The following BMPR1A variants were observed in gnomAD, a reference collection of about 807,000 sequenced individuals.
BMPR1A encodes bone morphogenetic protein receptor type 1A.
BMPR1A carries 7 observed loss-of-function variants against 66.0 expected under a neutral mutation model. The observed-to-expected ratio is 0.11, with a 90% CI of 0.06 to 0.20. The LOEUF is 0.20. BMPR1A is among the 10% of genes least tolerant of loss of function. The pLI is 1.00. For missense variants in BMPR1A, 408 were observed against 669.1 expected (o/e 0.61, Z 4.31); for synonymous variants, 200 against 229.7 (o/e 0.87, Z 1.17).
At chr10:86,839,805 A>T (rs781055404) in intron 2 of BMPR1A, among the ~76,000 whole-genome samples, 2 of 151,830 alleles carry the variant, frequency 1.3e-5, no homozygotes, top group Non-Finnish European at 2.9e-5. Flanking sequence ...CTACAGGCAC[A>T]CATCACCATG....
chr10:86,768,787 G>A (rs1841205812), intron 1 of BMPR1A, among the ~76,000 whole-genome samples: 1 of 152,174 alleles, frequency 6.6e-6, no homozygotes, highest in African/African-American at 2.4e-5. Context: ...CTGCTTACTA[G>A]GTTTGTGACC....
intron 2 of BMPR1A, among the ~76,000 whole-genome samples, chr10:86,863,207 G>A (rs573252772): frequency 2.6e-5 from 4 of 152,100 alleles, no homozygotes; most frequent in African/African-American, 7.2e-5. Flanking sequence ...TGAACTCCCC[G>A]CCTCAAGTGA....
intron 1 of BMPR1A, among the ~76,000 whole-genome samples, chr10:86,778,262 A>G (rs1268149474): frequency 1.3e-5 from 2 of 151,420 alleles, no homozygotes; most frequent in East Asian, 1.9e-4. Context: ...ATCAGCTATC[A>G]TTAGTGGATT....
intron 2 of BMPR1A, among the ~76,000 whole-genome samples, chr10:86,872,226 C>T (rs1410295357): frequency 6.6e-6 from 1 of 152,198 alleles, no homozygotes; most frequent in Non-Finnish European, 1.5e-5. Flanking sequence ...TTAGTGACTT[C>T]CTTTGCCAGG....
chr10:86,883,542 TC>T (rs1166101035), intron 3 of BMPR1A, among the ~76,000 whole-genome samples: 1 of 94,602 alleles, frequency 1.1e-5, no homozygotes, highest in Non-Finnish European at 1.9e-5. Context: ...AGAGCGAGAC[TC>T]CGTCTCAAAA....
At chr10:86,893,441 T>G (rs1211565413) in intron 5 of BMPR1A, among the ~76,000 whole-genome samples, 4 of 152,210 alleles carry the variant, frequency 2.6e-5, no homozygotes, top group Non-Finnish European at 5.9e-5. Flanking sequence ...TAGAATTGTT[T>G]GTGCATAATT....
intron 2 of BMPR1A, among the ~76,000 whole-genome samples, chr10:86,840,474 C>G (rs553743918): frequency 6.6e-6 from 1 of 152,056 alleles, no homozygotes; most frequent in Non-Finnish European, 1.5e-5. Context: ...CCTTCCCCTC[C>G]TACTCTTAAA....
chr10:86,767,289 G>A (rs764511849), intron 1 of BMPR1A, among the ~76,000 whole-genome samples: 6 of 152,040 alleles, frequency 3.9e-5, no homozygotes, highest in Non-Finnish European at 5.9e-5. Context: ...AAAATATTTC[G>A]TATTGCTAAC....
chr10:86,870,081 A>G (rs985963081), intron 2 of BMPR1A, among the ~76,000 whole-genome samples: 1 of 152,156 alleles, frequency 6.6e-6, no homozygotes, highest in African/African-American at 2.4e-5. Flanking sequence ...TAACGCCTTT[A>G]TTAATGCAGT....
rs371493499 is a variant in BMPR1A at position 86,810,301 on chromosome 10, G to A, written c.-267-28564G>A. Among the ~76,000 whole-genome samples, 6 of 152,222 alleles carry A rather than the reference G, an allele frequency of 3.9e-5. No homozygotes were observed. The East Asian group carries it at 9.7e-4, about 24-fold the overall frequency. Reference sequence around the variant, plus strand: ...TGGCTGCTGAATATTATTTTATTGTGTAGAGTAATGTATTCATTCGTTGGT... The same window carrying A: ...TGGCTGCTGAATATTATTTTATTGTATAGAGTAATGTATTCATTCGTTGGT... On this transcript the variant is annotated intron_variant, in intron 1 of 12. Transcript: ENST00000372037.
chr10:86,851,473 G>C (rs113624820), intron 2 of BMPR1A, among the ~76,000 whole-genome samples: 6 of 152,248 alleles, frequency 3.9e-5, no homozygotes, highest in African/African-American at 9.6e-5. Context: ...TTTACCGTTG[G>C]ATAGTCACTA....
chr10:86,917,325 T>G lies in BMPR1A; in HGVS notation c.867T>G (p.Leu289=). 1 of 1,614,102 alleles carries G rather than the reference T, an allele frequency of 6.2e-7. No homozygotes were observed. Among genetic ancestry groups the G allele is most frequent in the African/African-American group, 1.3e-5 (1 of 75,044 alleles). ...QTVLMRHENI[L]GFIAADIKGT... Reference sequence around the variant, plus strand: ...TGCTAATGCGCCATGAAAACATACTTGGTGGGTACACACTGATTCAGTCAA... The same window carrying G: ...TGCTAATGCGCCATGAAAACATACTGGGTGGGTACACACTGATTCAGTCAA... Residue 289 remains leucine (L), a splice_region_variant and synonymous_variant, in exon 9 of 13, where the codon CTT becomes CTG. Coordinates refer to ENST00000372037, the MANE Select transcript of BMPR1A (RefSeq NM_004329.3).
Position 86,923,480 on chromosome 10 carries a change from G to A in BMPR1A, c.1447G>A (p.Val483Met), listed in dbSNP as rs1163897191. 4 of 1,614,206 alleles carry A rather than the reference G, an allele frequency of 2.5e-6. No homozygotes were observed. The highest frequency in any genetic ancestry group is 1.7e-6 in the Non-Finnish European group (2 of 1,180,028). ...VVCVKRLRPI[V>M]SNRWNSDECL... ...GTGTGTCAAACGTTTGCGGCCAATTGTGTCTAATCGGTGGAACAGTGATGA... is the reference window on the plus strand; with the variant it reads ...GTGTGTCAAACGTTTGCGGCCAATTATGTCTAATCGGTGGAACAGTGATGA... The change falls in exon 12 of 13, where the codon GTG (valine) becomes ATG (methionine). Residue 483 changes from valine to methionine, a missense_variant. Transcript: ENST00000372037.
intron 1 of BMPR1A, among the ~76,000 whole-genome samples, chr10:86,760,240 C>T (rs938772870): frequency 0.025 from 414 of 16,754 alleles, no homozygotes; most frequent in Middle Eastern, 0.042. Flanking sequence ...TTCTTTCTTT[C>T]TTTCTTTCTT....
chr10:86,835,296 TG>T (rs1223759657), intron 1 of BMPR1A, among the ~76,000 whole-genome samples: 4 of 147,392 alleles, frequency 2.7e-5, no homozygotes, highest in South Asian at 4.3e-4. Context: ...CCAGGAGTGG[TG>T]GCTCACGCCT....
At chr10:86,794,971 C>T (rs958804263) in intron 1 of BMPR1A, among the ~76,000 whole-genome samples, 2 of 151,806 alleles carry the variant, frequency 1.3e-5, no homozygotes, top group African/African-American at 2.4e-5. Context: ...CCTGCCTCAG[C>T]CTCCCGAGTA....
intron 5 of BMPR1A, among the ~76,000 whole-genome samples, chr10:86,898,261 C>CAT (rs1022914164): frequency 2.1e-5 from 3 of 145,262 alleles, no homozygotes; most frequent in African/African-American, 7.4e-5. Flanking sequence ...ATATATATAA[C>CAT]ATATATATAA....
chr10:86,779,802 A>T (rs61858601), intron 1 of BMPR1A, among the ~76,000 whole-genome samples: 1 of 151,912 alleles, frequency 6.6e-6, no homozygotes, highest in Admixed American at 6.6e-5. Flanking sequence ...GGGTCTCGCT[A>T]TGTTGCCCAG....
At chr10:86,854,180 G>A (rs947085284) in intron 2 of BMPR1A, among the ~76,000 whole-genome samples, 1 of 152,190 alleles carries the variant, frequency 6.6e-6, no homozygotes, top group Non-Finnish European at 1.5e-5. Context: ...GAGCAATATG[G>A]CTCTGTTCCG....
Sources: gnomAD v4.1 joint callset for allele counts (sites outside exome capture counted in the v4.1 genomes callset) on GRCh38, gnomAD v4.1.1 for gene constraint, MANE v1.5 for transcripts, NCBI Gene and HGNC (gene_info 2026-07-23, HGNC 2026-07-21) for gene names.